NBAS: variants seen among roughly 807,000 people sequenced by gnomAD.
The protein encoded by NBAS is NBAS subunit of NRZ tethering complex, also known as NAG/BC035112 fusion.
Under a neutral mutation model 302.5 loss-of-function variants are expected in NBAS, and 219 were observed. That is an observed-to-expected ratio of 0.72 (90% CI 0.65 to 0.81). The LOEUF (loss-of-function observed/expected upper bound fraction) is 0.81, where lower values mean the gene tolerates loss of function less well. Ranked by LOEUF, NBAS falls within the 30% of genes least tolerant of loss-of-function variation. The pLI is 0.00. For synonymous variants in NBAS, 1,118 were observed against 1,021.6 expected (o/e 1.09, Z -1.80); for missense variants, 2,932 against 2,841.6 (o/e 1.03, Z -0.72).
chr2:14,988,872 G>A, the NBAS span, among the ~76,000 whole-genome samples: 2 of 152,120 alleles, frequency 1.3e-5, no homozygotes, highest in South Asian at 4.2e-4. Flanking sequence ...AAAATGTTAG[G>A]CATGTGACAT....
intron 48 of NBAS, among the ~76,000 whole-genome samples, chr2:15,214,160 T>C (rs1666547522): frequency 6.6e-6 from 1 of 152,244 alleles, no homozygotes; most frequent in Admixed American, 6.5e-5. Context: ...AGTCCTGCCC[T>C]GCCATTTTAA....
intron 11 of NBAS, among the ~76,000 whole-genome samples, chr2:15,503,450 T>C (rs997715089): frequency 4.9e-4 from 74 of 152,170 alleles, no homozygotes; most frequent in African/African-American, 1.8e-3. Context: ...TGAAAAAGAT[T>C]AGATTATTTG....
the NBAS span, among the ~76,000 whole-genome samples, chr2:14,826,500 A>G: frequency 6.6e-6 from 1 of 152,238 alleles, no homozygotes; most frequent in Non-Finnish European, 1.5e-5. Flanking sequence ...TAGGGATTTG[A>G]AAAAATTCAG....
At chr2:15,411,147 G>A (rs950787748) in intron 25 of NBAS, among the ~76,000 whole-genome samples, 11 of 152,178 alleles carry the variant, frequency 7.2e-5, no homozygotes, top group African/African-American at 1.9e-4. Flanking sequence ...CTCTGAAGCC[G>A]AGGCAAGCGC....
the NBAS span, among the ~76,000 whole-genome samples, chr2:14,859,353 A>G: frequency 6.6e-6 from 1 of 152,044 alleles, no homozygotes; most frequent in Admixed American, 6.6e-5. Context: ...TTTTTATGGT[A>G]TGGAACCATA....
chr2:14,995,970 GCT>G, the NBAS span, among the ~76,000 whole-genome samples: 4 of 151,356 alleles, frequency 2.6e-5, no homozygotes, highest in Admixed American at 1.3e-4. Context: ...AGTACACACA[GCT>G]CTGTCTTAGG....
chr2:15,492,421 G>T (rs1224299451), intron 11 of NBAS, among the ~76,000 whole-genome samples: 1 of 152,102 alleles, frequency 6.6e-6, no homozygotes, highest in Non-Finnish European at 1.5e-5. Context: ...TTTTCCTTCT[G>T]AAATAAAACT....
At chr2:15,062,394 C>G in the NBAS span, among the ~76,000 whole-genome samples, 1 of 152,188 alleles carries the variant, frequency 6.6e-6, no homozygotes, top group Non-Finnish European at 1.5e-5. Context: ...GCTATTTATA[C>G]TAGAGGAAGG....
At chr2:15,280,254 T>C (rs1462489622) in intron 42 of NBAS, among the ~76,000 whole-genome samples, 4 of 152,202 alleles carry the variant, frequency 2.6e-5, no homozygotes, top group African/African-American at 9.6e-5. Flanking sequence ...AAAACAAATT[T>C]ATTTAAATAC....
At chr2:15,535,589 G>A (rs1663465322) in intron 8 of NBAS, among the ~76,000 whole-genome samples, 1 of 146,744 alleles carries the variant, frequency 6.8e-6, no homozygotes, top group Admixed American at 6.7e-5. Flanking sequence ...AAATAAAATG[G>A]CATAGTATTT....
chr2:15,100,425 A>C, the NBAS span, among the ~76,000 whole-genome samples: 13 of 152,230 alleles, frequency 8.5e-5, no homozygotes, highest in Admixed American at 8.5e-4. Context: ...CTGCGGGTGC[A>C]CATAGTATCA....
the NBAS span, among the ~76,000 whole-genome samples, chr2:15,021,362 A>C: frequency 2.0e-5 from 3 of 152,202 alleles, no homozygotes; most frequent in Non-Finnish European, 2.9e-5. Flanking sequence ...TAGAAGAGGC[A>C]CACTAAAGGG....
chr2:15,431,162 C>T (rs1677745675), intron 21 of NBAS, among the ~76,000 whole-genome samples: 1 of 152,094 alleles, frequency 6.6e-6, no homozygotes, highest in Non-Finnish European at 1.5e-5. Flanking sequence ...CAAAAAGGAC[C>T]ATTTACATGC....
At position 15,270,044 on chromosome 2, in the gene NBAS, G is replaced by A. The variant is rs560404205; in HGVS notation, c.5724+5440C>T. On this transcript the variant is annotated intron_variant, in intron 44 of 51. Transcript: ENST00000281513. ...AGCTGTGTTCTATTAAGCCGGACAT[G>A]AAAATGTAACACAGTGCTGTTTTTC... Among the ~76,000 whole-genome samples the A allele has an allele frequency of 5.9e-5, 9 of 152,316 alleles. No homozygotes were observed. The East Asian group carries it at 1.7e-3, about 29-fold the overall frequency.
intron 51 of NBAS, among the ~76,000 whole-genome samples, chr2:15,175,487 GC>G (rs779890906): frequency 3.3e-5 from 5 of 152,164 alleles, no homozygotes; most frequent in Non-Finnish European, 5.9e-5. Flanking sequence ...AAGTCAAGAG[GC>G]TTCCATCCAA....
the NBAS span, among the ~76,000 whole-genome samples, chr2:14,817,112 T>G: frequency 6.6e-6 from 1 of 152,204 alleles, no homozygotes; most frequent in African/African-American, 2.4e-5. Flanking sequence ...GTTACATGGT[T>G]GACACATCAT....
At chr2:14,985,108 G>A in the NBAS span, among the ~76,000 whole-genome samples, 12,064 of 152,276 alleles carry the variant, frequency 0.079, 1,238 homozygotes, top group African/African-American at 0.23. Context: ...AGCTGTCAGA[G>A]CAGAGGTAAA....
chr2:15,439,854 A>T (rs1487609619), intron 21 of NBAS, among the ~76,000 whole-genome samples: 8 of 152,342 alleles, frequency 5.3e-5, no homozygotes, highest in African/African-American at 1.7e-4. Context: ...AGGAGATTAT[A>T]TCCTGCACCT....
chr2:15,265,068 T>C (rs557900449), intron 44 of NBAS, among the ~76,000 whole-genome samples: 3 of 152,336 alleles, frequency 2.0e-5, no homozygotes, highest in Admixed American at 6.5e-5. Context: ...TGAGGGACTC[T>C]TCATAGCATA....
Sources: allele counts gnomAD v4.1 joint callset (sites outside exome capture counted in the v4.1 genomes callset), GRCh38; gene constraint gnomAD v4.1.1; transcripts MANE v1.5; gene names NCBI Gene and HGNC (gene_info 2026-07-23, HGNC 2026-07-21).